The following ENTREP1 variants were observed in gnomAD, a reference collection of about 807,000 sequenced individuals.
The protein encoded by ENTREP1 is Friedreich ataxia region gene X123.
At chr9:69,341,382 TA>T in the ENTREP1 span, among the ~76,000 whole-genome samples, 2 of 152,134 alleles carry the variant, frequency 1.3e-5, no homozygotes, top group African/African-American at 4.8e-5. Flanking sequence ...ATTGGCTATT[TA>T]AAAAATGGTC....
At chr9:69,354,527 G>A in the ENTREP1 span, among the ~76,000 whole-genome samples, 4 of 152,218 alleles carry the variant, frequency 2.6e-5, no homozygotes, top group Non-Finnish European at 4.4e-5. Flanking sequence ...CAAAGTGCTG[G>A]GATTACAGGC....
At chr9:69,345,237 CGG>C in the ENTREP1 span, among the ~76,000 whole-genome samples, 1 of 152,094 alleles carries the variant, frequency 6.6e-6, no homozygotes, top group African/African-American at 2.4e-5. Flanking sequence ...AATGTCTCAA[CGG>C]TGATACCAAA....
At chr9:69,383,653 C>A in the ENTREP1 span, 717 of 1,614,086 alleles carry the variant, frequency 4.4e-4, no homozygotes, top group Non-Finnish European at 5.7e-4. Context: ...GATGTTATTC[C>A]CCTGCCACAC....
chr9:69,332,896 CAT>C, the ENTREP1 span, among the ~76,000 whole-genome samples: 15 of 152,098 alleles, frequency 9.9e-5, no homozygotes, highest in African/African-American at 3.6e-4. Context: ...AAAAACTAGA[CAT>C]AGAATGAATG....
the ENTREP1 span, chr9:69,388,557 GTCTT>G: frequency 2.3e-6 from 2 of 859,784 alleles, no homozygotes; most frequent in Non-Finnish European, 3.5e-6. Flanking sequence ...CATGGTCACA[GTCTT>G]CAGGGAAATT....
the ENTREP1 span, among the ~76,000 whole-genome samples, chr9:69,343,484 G>A: frequency 3.3e-5 from 5 of 152,194 alleles, no homozygotes; most frequent in South Asian, 2.1e-4. Flanking sequence ...TGTCATCCAG[G>A]CTCCTGAGTG....
At chr9:69,384,675 G>A in the ENTREP1 span, among the ~76,000 whole-genome samples, 1 of 152,132 alleles carries the variant, frequency 6.6e-6, no homozygotes, top group East Asian at 1.9e-4. Flanking sequence ...ACATTGTTAT[G>A]GCCTTCTCTC....
the ENTREP1 span, among the ~76,000 whole-genome samples, chr9:69,349,184 CAAAAAAAAAAAAAAAAAAA>C: frequency 0.073 from 6,212 of 85,320 alleles, 224 homozygotes; most frequent in African/African-American, 0.12. Flanking sequence ...AACTCCATCT[CAAAAAAAAAAAAAAAAAAA>C]AAAAAAAAGA....
the ENTREP1 span, among the ~76,000 whole-genome samples, chr9:69,358,981 G>T: frequency 6.8e-6 from 1 of 146,374 alleles, no homozygotes; most frequent in African/African-American, 2.5e-5. Context: ...TCGGCTGACT[G>T]TGTAACCTCC....
the ENTREP1 span, chr9:69,379,962 G>A: frequency 4.6e-5 from 7 of 152,098 alleles, no homozygotes; most frequent in Non-Finnish European, 8.8e-5. Flanking sequence ...GTGCATCCTC[G>A]GATTTGTCTC....
At chr9:69,330,432 A>G in the ENTREP1 span, among the ~76,000 whole-genome samples, 1 of 152,188 alleles carries the variant, frequency 6.6e-6, no homozygotes, top group African/African-American at 2.4e-5. Flanking sequence ...GCTTTAAGTC[A>G]CTGATCTAAA....
chr9:69,357,725 G>A, the ENTREP1 span, among the ~76,000 whole-genome samples: 1 of 152,172 alleles, frequency 6.6e-6, no homozygotes, highest in African/African-American at 2.4e-5. Context: ...TTTGTGAGTG[G>A]TTGTGATTTA....
the ENTREP1 span, among the ~76,000 whole-genome samples, chr9:69,340,685 G>A: frequency 1.9e-4 from 25 of 133,216 alleles, no homozygotes; most frequent in African/African-American, 6.2e-4. Flanking sequence ...GTGCATGCAT[G>A]TGTGTGTGTA....
the ENTREP1 span, chr9:69,387,153 C>A: frequency 6.6e-6 from 1 of 152,192 alleles, no homozygotes; most frequent in African/African-American, 2.4e-5. Context: ...TGTCCTCACA[C>A]GAGTGTCTTT....
chr9:69,357,695 A>G, the ENTREP1 span, among the ~76,000 whole-genome samples: 1 of 152,082 alleles, frequency 6.6e-6, no homozygotes, highest in African/African-American at 2.4e-5. Flanking sequence ...AAATAGGTTG[A>G]GAGTGGTGAG....
At chr9:69,351,859 T>G in the ENTREP1 span, among the ~76,000 whole-genome samples, 1 of 152,240 alleles carries the variant, frequency 6.6e-6, no homozygotes, top group Admixed American at 6.5e-5. Flanking sequence ...CTTTTTAATG[T>G]ATTTTCTTAA....
the ENTREP1 span, among the ~76,000 whole-genome samples, chr9:69,342,048 A>G: frequency 2.6e-5 from 4 of 152,158 alleles, no homozygotes; most frequent in Non-Finnish European, 5.9e-5. Flanking sequence ...TTTCAGATGG[A>G]CATTTCAACT....
chr9:69,331,828 G>A, the ENTREP1 span, among the ~76,000 whole-genome samples: 1 of 152,116 alleles, frequency 6.6e-6, no homozygotes, highest in East Asian at 1.9e-4. Context: ...ACAGGTCCAA[G>A]CCCTCATCGT....
chr9:69,340,627 GTGTGTGTGCGTGCA>G, the ENTREP1 span, among the ~76,000 whole-genome samples: 13 of 121,456 alleles, frequency 1.1e-4, no homozygotes, highest in South Asian at 3.0e-4. Flanking sequence ...GTGTGTGCAT[GTGTGTGTGCGTGCA>G]TGTGTGTGTG....
Sources: gnomAD v4.1 joint callset for allele counts (sites outside exome capture counted in the v4.1 genomes callset) on GRCh38, gnomAD v4.1.1 for gene constraint, MANE v1.5 for transcripts, NCBI Gene and HGNC (gene_info 2026-07-23, HGNC 2026-07-21) for gene names.